The following CA10 variants were observed in gnomAD, a reference collection of about 807,000 sequenced individuals.
CA10 encodes the protein carbonic anhydrase-related protein 10.
In CA10, 14 loss-of-function variants were observed where a neutral mutation model predicts 44.2. The ratio of observed to expected loss-of-function variants is 0.32; its 90% CI spans 0.21 to 0.50. CA10 has a LOEUF of 0.50. Ranked by LOEUF, CA10 falls within the 20% of genes least tolerant of loss-of-function variation. The pLI, the probability that CA10 is intolerant of heterozygous loss-of-function variation, is 0.99. For synonymous variants in CA10, 159 were observed against 141.6 expected (o/e 1.12, Z -0.87); for missense variants, 350 against 409.7 (o/e 0.85, Z 1.26).
chr17:51,913,948 C>T (rs1285496337), intron 3 of CA10, among the ~76,000 whole-genome samples: 1 of 152,016 alleles, frequency 6.6e-6, no homozygotes, highest in Non-Finnish European at 1.5e-5. Flanking sequence ...CTGAGGGCAG[C>T]CTGAGAAATG....
intron 2 of CA10, among the ~76,000 whole-genome samples, chr17:52,048,142 G>T (rs1203985906): frequency 6.6e-6 from 1 of 151,798 alleles, no homozygotes; most frequent in Non-Finnish European, 1.5e-5. Context: ...GTCTTGTTTA[G>T]AGTTCACCCT....
At chr17:51,959,389 T>A (rs1408406697) in intron 2 of CA10, among the ~76,000 whole-genome samples, 1 of 150,904 alleles carries the variant, frequency 6.6e-6, no homozygotes, top group Admixed American at 6.6e-5. Context: ...GGGAAGCAAG[T>A]CATCATGGGA....
rs149248865 is a variant in CA10 at position 51,833,264 on chromosome 17, T to C, written c.280-85446A>G. Among the ~76,000 whole-genome samples, 271 of 152,306 alleles carry C rather than the reference T, an allele frequency of 1.8e-3. 5 individuals carry two copies. Among genetic ancestry groups the C allele is most frequent in the Admixed American group, 0.016 (237 of 15,290 alleles). On this transcript the variant is annotated intron_variant, in intron 3 of 8. Transcript: ENST00000451037. ...CATTCTCACTGATGGATCTCAGGAA[T>C]GTCACCACCCTGGAGGCCAGGATAA...
intron 3 of CA10, among the ~76,000 whole-genome samples, chr17:51,804,325 C>G (rs555419851): frequency 1.6e-3 from 248 of 152,332 alleles, no homozygotes; most frequent in African/African-American, 5.5e-3. Flanking sequence ...CTATCACTGT[C>G]CGCATTTGTT....
chr17:51,693,531 T>C (rs1398130365), intron 4 of CA10, among the ~76,000 whole-genome samples: 1 of 152,112 alleles, frequency 6.6e-6, no homozygotes, highest in Non-Finnish European at 1.5e-5. Context: ...TTTGTGTTTG[T>C]CATCTTTATG....
At chr17:52,016,999 C>G (rs1985989292) in intron 2 of CA10, among the ~76,000 whole-genome samples, 1 of 152,108 alleles carries the variant, frequency 6.6e-6, no homozygotes, top group Non-Finnish European at 1.5e-5. Context: ...ACCAGCTTCT[C>G]CTTTGTCTTC....
intron 3 of CA10, among the ~76,000 whole-genome samples, chr17:51,881,129 A>G (rs1980350080): frequency 6.6e-6 from 1 of 151,336 alleles, no homozygotes; most frequent in South Asian, 2.1e-4. Context: ...AGTCCCAGCT[A>G]CTCGGGAGGC....
rs149618661 is a variant in CA10 at position 52,110,481 on chromosome 17, C to A, written c.62-38088G>T. Among the ~76,000 whole-genome samples the A allele has an allele frequency of 9.2e-5, 14 of 152,268 alleles. No homozygotes were observed. The East Asian group carries it at 2.7e-3, about 29-fold the overall frequency. The stretch of plus-strand genomic sequence containing the variant: ...GCAAATGGCTTAGCCAATGCTTGCC[C>A]CTAGCAATTGATGTGATAAATAATA... On this transcript the variant is annotated intron_variant, in intron 1 of 8. Transcript: ENST00000451037.
chr17:51,908,316 T>C (rs976003672), intron 3 of CA10, among the ~76,000 whole-genome samples: 4 of 152,292 alleles, frequency 2.6e-5, no homozygotes, highest in African/African-American at 9.6e-5. Flanking sequence ...TATTGACACA[T>C]CAGGAGAGCC....
chr17:51,690,058 C>A (rs145978186), intron 4 of CA10, among the ~76,000 whole-genome samples: 1 of 152,032 alleles, frequency 6.6e-6, no homozygotes, highest in Non-Finnish European at 1.5e-5. Flanking sequence ...AGTGATTCTC[C>A]TGCCTCAGTC....
At chr17:52,149,695 T>C (rs1320594725) in intron 1 of CA10, among the ~76,000 whole-genome samples, 1 of 152,186 alleles carries the variant, frequency 6.6e-6, no homozygotes, top group African/African-American at 2.4e-5. Flanking sequence ...TTTTTTTTCC[T>C]AGGGTGTAAA....
At chr17:51,790,278 G>A (rs753934646) in intron 3 of CA10, among the ~76,000 whole-genome samples, 10 of 152,134 alleles carry the variant, frequency 6.6e-5, no homozygotes, top group Non-Finnish European at 1.3e-4. Flanking sequence ...TCAATGATGC[G>A]AAGAGAAGGG....
chr17:52,115,421 T>C (rs1175021676), intron 1 of CA10, among the ~76,000 whole-genome samples: 1 of 152,170 alleles, frequency 6.6e-6, no homozygotes, highest in Non-Finnish European at 1.5e-5. Context: ...CCCTTTTGTT[T>C]TGGAGCCTTC....
chr17:51,852,126 T>G (rs987585554), intron 3 of CA10, among the ~76,000 whole-genome samples: 1 of 152,196 alleles, frequency 6.6e-6, no homozygotes, highest in Admixed American at 6.5e-5. Flanking sequence ...CATGCAGCCT[T>G]TAAACCTTCC....
At position 51,631,327 on chromosome 17, in the gene CA10, T is replaced by C. The variant is rs1043561; in HGVS notation, c.*257A>G. On this transcript the variant is annotated 3_prime_UTR_variant, in exon 9 of 9. Coordinates refer to ENST00000451037, the MANE Select transcript of CA10 (RefSeq NM_020178.5). Reference sequence around the variant, plus strand: ...CTTCCCATGATGGAGGTTGTAAGAGTGTGTGTGTGTGTAGGTATGTTTGCA... The same window carrying C: ...CTTCCCATGATGGAGGTTGTAAGAGCGTGTGTGTGTGTAGGTATGTTTGCA... 6.4e-4 allele frequency: 270 copies of C among 423,452 alleles called. No individual in the cohort carries two copies. The highest frequency in any genetic ancestry group is 5.2e-3 in the African/African-American group (253 of 49,058). The allele number at this position is 423,452 out of a possible 1,614,324, so 26.2% of individuals were successfully genotyped here.
At chr17:51,740,439 G>A (rs2143586092) in intron 4 of CA10, among the ~76,000 whole-genome samples, 1 of 152,300 alleles carries the variant, frequency 6.6e-6, no homozygotes, top group East Asian at 1.9e-4. Context: ...TTATGAATCA[G>A]AAGACCCGAA....
chr17:51,718,185 C>T (rs938790612), intron 4 of CA10, among the ~76,000 whole-genome samples: 5 of 150,170 alleles, frequency 3.3e-5, no homozygotes, highest in African/African-American at 1.2e-4. Context: ...GTCATGTAAC[C>T]AAATACCACC....
At chr17:51,817,134 G>A (rs1907593585) in intron 3 of CA10, among the ~76,000 whole-genome samples, 1 of 152,206 alleles carries the variant, frequency 6.6e-6, no homozygotes, top group Non-Finnish European at 1.5e-5. Context: ...ATGGCTGGGA[G>A]GAGTAAATGG....
chr17:51,966,115 C>A (rs1187123191), intron 2 of CA10, among the ~76,000 whole-genome samples: 2 of 151,636 alleles, frequency 1.3e-5, no homozygotes, highest in Non-Finnish European at 3.0e-5. Context: ...ATCTAATTTG[C>A]AATAGCCATA....
Sources: gnomAD v4.1 joint callset for allele counts (sites outside exome capture counted in the v4.1 genomes callset) on GRCh38, gnomAD v4.1.1 for gene constraint, MANE v1.5 for transcripts, NCBI Gene and HGNC (gene_info 2026-07-23, HGNC 2026-07-21) for gene names.